TPRG1: variants seen among roughly 807,000 people sequenced by gnomAD.
The protein encoded by TPRG1 is tumor protein p63-regulated gene 1 protein.
A neutral mutation model predicts 29.3 loss-of-function variants in TPRG1; 29 were observed. That is an observed-to-expected ratio of 0.99 (90% confidence interval 0.74 to 1.35). The LOEUF (loss-of-function observed/expected upper bound fraction) is 1.35. TPRG1 is among the 40% of genes most tolerant of loss of function. The probability of loss-of-function intolerance (pLI) is 0.00; values close to 1 mark genes in which losing one functional copy is unlikely to be tolerated. For missense variants in TPRG1, 327 were observed against 335.0 expected (o/e 0.98, Z 0.19); for synonymous variants, 130 against 116.8 (o/e 1.11, Z -0.73).
chr3:189,248,382 G>T (rs1191631899), intron 4 of TPRG1, among the ~76,000 whole-genome samples: 1 of 151,694 alleles, frequency 6.6e-6, no homozygotes, highest in Non-Finnish European at 1.5e-5. Context: ...GTTAGCTAAT[G>T]ATTGTTTGAT....
At chr3:189,227,158 A>G (rs1185584360) in intron 3 of TPRG1, among the ~76,000 whole-genome samples, 1 of 151,928 alleles carries the variant, frequency 6.6e-6, no homozygotes, top group Non-Finnish European at 1.5e-5. Context: ...ACAAAAAAAA[A>G]AGAAAAAAAA....
chr3:189,098,856 A>G (rs1479745993), upstream of TPRG1, among the ~76,000 whole-genome samples: 1 of 152,104 alleles, frequency 6.6e-6, no homozygotes, highest in Non-Finnish European at 1.5e-5. Context: ...GTAGAAAAAA[A>G]TTAATGAAAC....
chr3:189,002,178 G>A (rs576157285), intron 2 of TPRG1, among the ~76,000 whole-genome samples: 71 of 152,298 alleles, frequency 4.7e-4, no homozygotes, highest in African/African-American at 1.5e-3. Context: ...TATGCAGCGC[G>A]CTGCCTCATG....
chr3:189,176,847 A>G (rs987418057), intron 1 of TPRG1, among the ~76,000 whole-genome samples: 2 of 152,204 alleles, frequency 1.3e-5, no homozygotes, highest in African/African-American at 4.8e-5. Context: ...TGGAGTGAGA[A>G]CAGGGAAAAG....
rs547782731 is a variant in TPRG1, at chr3:189,143,182, C to G, written c.-290-4402C>G. On this transcript the variant is annotated intron_variant, in intron 3 of 6. Coordinates refer to the TPRG1 transcript ENST00000412373. The stretch of plus-strand genomic sequence containing the variant: ...CATCTTTTTTTTATATAGGATTTTA[C>G]ATTTTCCAAAAGGTTTTACATCCAT... Among the ~76,000 whole-genome samples, 3 of 152,124 alleles carry G rather than the reference C, an allele frequency of 2.0e-5. No individual in the cohort carries two copies. In the East Asian group the frequency reaches 5.8e-4, roughly 29 times the overall value.
At chr3:189,119,065 G>A (rs1721519340) in intron 1 of TPRG1, among the ~76,000 whole-genome samples, 1 of 152,342 alleles carries the variant, frequency 6.6e-6, no homozygotes, top group East Asian at 1.9e-4. Context: ...CTGTTAGGGG[G>A]GTTGAGCTTT....
Position 189,207,119 on chromosome 3 carries a change from T to C in TPRG1, c.-9-257T>C, listed in dbSNP as rs1734514781. The C allele has an allele frequency of 5.2e-6, 5 of 959,220 alleles. No homozygotes were observed. The African/African-American group carries it at 8.8e-5, about 17-fold the overall frequency. 59.4% of individuals were successfully genotyped at this position (959,220 alleles called of 1,614,324 possible). ...CTCTTCTCTTGTTCAGGTTCCTGTC[T>C]CCTGGGATTAAACTCCTTTTCTCTG... On this transcript the variant is annotated intron_variant, in intron 1 of 5. Coordinates refer to ENST00000345063, the MANE Select transcript of TPRG1 (RefSeq NM_198485.4).
chr3:189,030,327 A>G (rs1443123231), intron 4 of TPRG1, among the ~76,000 whole-genome samples: 2 of 152,250 alleles, frequency 1.3e-5, no homozygotes, highest in Non-Finnish European at 1.5e-5. Context: ...AACAACATCC[A>G]GTTAAATTTA....
At chr3:189,161,157 C>G (rs1190513476) in intron 5 of TPRG1, among the ~76,000 whole-genome samples, 1 of 152,144 alleles carries the variant, frequency 6.6e-6, no homozygotes, top group Non-Finnish European at 1.5e-5. Context: ...GAAGTGTTAG[C>G]ATATATTGTT....
At chr3:189,207,905 C>T (rs1279365428) in intron 2 of TPRG1, among the ~76,000 whole-genome samples, 2 of 152,144 alleles carry the variant, frequency 1.3e-5, no homozygotes, top group Admixed American at 1.3e-4. Context: ...AAAGAGAGAA[C>T]CATAGCAGCT....
At chr3:189,074,424 C>G (rs1717006491) in intron 4 of TPRG1, among the ~76,000 whole-genome samples, 1 of 151,812 alleles carries the variant, frequency 6.6e-6, no homozygotes, top group Non-Finnish European at 1.5e-5. Context: ...CCAGGATGGT[C>G]TCGATCTCCT....
intron 2 of TPRG1, among the ~76,000 whole-genome samples, chr3:189,213,088 T>C (rs1204481473): frequency 6.6e-6 from 1 of 152,204 alleles, no homozygotes; most frequent in Non-Finnish European, 1.5e-5. Context: ...CAGTAAACAT[T>C]TGATCCCCAA....
intron 3 of TPRG1, among the ~76,000 whole-genome samples, chr3:189,238,062 G>T (rs1371199618): frequency 6.6e-6 from 1 of 152,160 alleles, no homozygotes; most frequent in Non-Finnish European, 1.5e-5. Flanking sequence ...TTACATGTGT[G>T]TCCTGGAAGG....
At chr3:189,050,401 C>T (rs188538450) in intron 4 of TPRG1, among the ~76,000 whole-genome samples, 1 of 152,240 alleles carries the variant, frequency 6.6e-6, no homozygotes, top group African/African-American at 2.4e-5. Context: ...ATTAGATAAC[C>T]TGAACAGACC....
At chr3:189,233,960 T>A (rs1279068706) in intron 3 of TPRG1, among the ~76,000 whole-genome samples, 1 of 152,112 alleles carries the variant, frequency 6.6e-6, no homozygotes, top group Non-Finnish European at 1.5e-5. Flanking sequence ...AACCTCAAAC[T>A]CCCGGACTGA....
chr3:189,057,802 A>G (rs985483609), intron 4 of TPRG1, among the ~76,000 whole-genome samples: 2 of 146,620 alleles, frequency 1.4e-5, no homozygotes, highest in Admixed American at 6.8e-5. Context: ...ATGGGTATGT[A>G]TGTATATATA....
At chr3:189,058,170 T>TATGTCCCCA (rs1458729352) in intron 4 of TPRG1, among the ~76,000 whole-genome samples, 1 of 152,052 alleles carries the variant, frequency 6.6e-6, no homozygotes, top group Non-Finnish European at 1.5e-5. Context: ...GATCATCAGT[T>TATGTCCCCA]ATGTCCCCAA....
At chr3:189,104,386 G>A (rs4687018) in intron 1 of TPRG1, among the ~76,000 whole-genome samples, 24,805 of 151,920 alleles carry the variant, frequency 0.16, 2,785 homozygotes, top group East Asian at 0.36. Context: ...AATTAAGGGA[G>A]AATTTATTAC....
chr3:189,259,084 A>T lies in TPRG1; in HGVS notation c.479+20175A>T, dbSNP rs112860040. On this transcript the variant is annotated intron_variant, in intron 4 of 5. Coordinates refer to ENST00000345063, the MANE Select transcript of TPRG1 (RefSeq NM_198485.4). ...TGCAGCTAGCTTGGTGTCTGCCCAG[A>T]TGGCCTCCCAGTTTTGTGCTTGAAA... 5.5e-3 allele frequency among the ~76,000 whole-genome samples: 840 copies of T among 152,244 alleles called. 13 individuals are homozygous for T. Among genetic ancestry groups the T allele is most frequent in the African/African-American group, 0.02 (811 of 41,532 alleles).
Sources: gnomAD v4.1 joint callset for allele counts (sites outside exome capture counted in the v4.1 genomes callset) on GRCh38, gnomAD v4.1.1 for gene constraint, MANE v1.5 for transcripts, NCBI Gene and HGNC (gene_info 2026-07-23, HGNC 2026-07-21) for gene names.